Variants in ZRANB3 observed in about 807,000 individuals in gnomAD.
The protein encoded by ZRANB3 is DNA annealing helicase and endonuclease ZRANB3.
A neutral mutation model predicts 133.8 loss-of-function variants in ZRANB3; 125 were observed. That is an observed-to-expected ratio of 0.93 (90% CI 0.81 to 1.08). The LOEUF is 1.08. Ranked by LOEUF, ZRANB3 falls within the 50% of genes least tolerant of loss-of-function variation. ZRANB3 has a pLI of 0.00. For missense variants in ZRANB3, 1,229 were observed against 1,275.5 expected, an observed-to-expected ratio of 0.96 and a Z score of 0.56; for synonymous variants, 387 against 432.7, an observed-to-expected ratio of 0.89 and a Z score of 1.31.
chr2:135,412,620 ATAAT>A (rs1366508333), intron 2 of ZRANB3, among the ~76,000 whole-genome samples: 7 of 152,278 alleles, frequency 4.6e-5, no homozygotes, highest in South Asian at 4.1e-4. Context: ...ATAAGAATAA[ATAAT>A]TGTGTAAAAG....
At chr2:135,299,770 T>C (rs1682341809) in intron 8 of ZRANB3, among the ~76,000 whole-genome samples, 1 of 152,188 alleles carries the variant, frequency 6.6e-6, no homozygotes, top group South Asian at 2.1e-4. Flanking sequence ...ATATAGCACA[T>C]AAATAATATA....
intron 12 of ZRANB3, among the ~76,000 whole-genome samples, chr2:135,236,492 G>A (rs949145057): frequency 6.6e-6 from 1 of 152,062 alleles, no homozygotes; most frequent in Non-Finnish European, 1.5e-5. Context: ...TCAATCCTAA[G>A]CCAAAAGAAC....
At chr2:135,370,669 T>C (rs368874916) in intron 3 of ZRANB3, among the ~76,000 whole-genome samples, 6 of 152,194 alleles carry the variant, frequency 3.9e-5, no homozygotes, top group African/African-American at 1.4e-4. Context: ...TAACCATCCC[T>C]AGCTACTCTA....
At chr2:135,230,490 A>C in intron 13 of ZRANB3, 23 bp downstream of exon 13, 3 of 1,473,956 alleles carry the variant, frequency 2.0e-6, no homozygotes, top group Non-Finnish European at 2.7e-6. Context: ...CCTTACCTCC[A>C]TGGTCACCTT....
intron 2 of ZRANB3, among the ~76,000 whole-genome samples, chr2:135,431,333 T>C (rs1689314112): frequency 6.6e-6 from 1 of 150,536 alleles, no homozygotes; most frequent in Non-Finnish European, 1.5e-5. Flanking sequence ...AAGTAGATGA[T>C]ATATATTGAT....
intron 2 of ZRANB3, among the ~76,000 whole-genome samples, chr2:135,446,411 A>T (rs1690025921): frequency 6.6e-6 from 1 of 152,096 alleles, no homozygotes; most frequent in Non-Finnish European, 1.5e-5. Flanking sequence ...AAGATGCAGG[A>T]GGAGGTGTTA....
At chr2:135,522,693 A>T (rs548102360) in intron 1 of ZRANB3, among the ~76,000 whole-genome samples, 1 of 152,300 alleles carries the variant, frequency 6.6e-6, no homozygotes, top group South Asian at 2.1e-4. Flanking sequence ...AGCCTGGGTG[A>T]CAGAGTGAGA....
intron 1 of ZRANB3, among the ~76,000 whole-genome samples, chr2:135,529,338 T>TACATA (rs1350666685): frequency 6.6e-6 from 1 of 152,220 alleles, no homozygotes; most frequent in Non-Finnish European, 1.5e-5. Context: ...TCCAAAAGTA[T>TACATA]ACATACAGTC....
chr2:135,362,191 C>A (rs889485362), intron 3 of ZRANB3, among the ~76,000 whole-genome samples: 2 of 148,522 alleles, frequency 1.3e-5, no homozygotes, highest in African/African-American at 5.1e-5. Context: ...GAGCAAGACT[C>A]CGTCTCAAAA....
chr2:135,405,227 C>T (rs549719624), intron 2 of ZRANB3, among the ~76,000 whole-genome samples: 13 of 152,072 alleles, frequency 8.5e-5, no homozygotes, highest in East Asian at 7.7e-4. Context: ...CAAAGAAGGC[C>T]GTTACATAAT....
Position 135,314,994 on chromosome 2 carries a change from C to T in ZRANB3, c.849+365G>A, listed in dbSNP as rs141237510. On this transcript the variant is annotated intron_variant, in intron 7 of 20. Coordinates refer to ENST00000264159, the MANE Select transcript of ZRANB3 (RefSeq NM_032143.4). The stretch of plus-strand genomic sequence containing the variant: ...AAACTCCTGACCTCAGGTGATCTGC[C>T]GACCTCAGGTGATCTGCCCACCTCA... Among the ~76,000 whole-genome samples the T allele has an allele frequency of 3.0e-3, 458 of 151,980 alleles. 3 individuals carry two copies. Among genetic ancestry groups the T allele is most frequent in the African/African-American group, 0.01 (422 of 41,458 alleles).
intron 8 of ZRANB3, among the ~76,000 whole-genome samples, chr2:135,291,959 T>A (rs1318929588): frequency 6.6e-6 from 1 of 152,232 alleles, no homozygotes; most frequent in Non-Finnish European, 1.5e-5. Context: ...TATTCCATGG[T>A]GTATATGTGC....
At chr2:135,209,036 G>C in intron 17 of ZRANB3, 58 bp from the exon 18 acceptor site, 1 of 1,489,576 alleles carries the variant, frequency 6.7e-7, no homozygotes, top group Non-Finnish European at 9.3e-7. Context: ...TGTCTCTATT[G>C]CATGTTTACA....
chr2:135,462,053 C>G (rs1195780927), intron 2 of ZRANB3, among the ~76,000 whole-genome samples: 1 of 152,002 alleles, frequency 6.6e-6, no homozygotes, highest in East Asian at 1.9e-4. Flanking sequence ...GATGGGAATT[C>G]AAAATAGAAG....
At chr2:135,217,357 T>C in intron 17 of ZRANB3, 108 bp downstream of exon 17, 1 of 1,078,942 alleles carries the variant, frequency 9.3e-7, no homozygotes, top group Non-Finnish European at 1.3e-6. Context: ...AATTTTCTCA[T>C]AACTCATCAG....
Position 135,347,454 on chromosome 2 carries a change from G to A in ZRANB3, c.592-1819C>T, listed in dbSNP as rs529772026. ...ACTACAGGCGCCCACCACCGCGCCC[G>A]GCTAATTTTTTTGTATTTTTTCGTA... is the stretch of plus-strand genomic sequence containing the variant. On this transcript the variant is annotated intron_variant, in intron 5 of 20. Coordinates refer to ENST00000264159, the MANE Select transcript of ZRANB3 (RefSeq NM_032143.4). 2.4e-4 allele frequency among the ~76,000 whole-genome samples: 37 copies of A among 152,142 alleles called. 1 individual carries two copies. The highest frequency in any genetic ancestry group is 7.9e-4 in the Admixed American group (12 of 15,270).
intron 1 of ZRANB3, among the ~76,000 whole-genome samples, chr2:135,529,267 C>T (rs1263177209): frequency 6.6e-6 from 1 of 152,084 alleles, no homozygotes; most frequent in Admixed American, 6.5e-5. Context: ...GGGAAAAACC[C>T]TTTTCTGTAA....
intron 2 of ZRANB3, among the ~76,000 whole-genome samples, chr2:135,481,423 G>A (rs1691800172): frequency 6.6e-6 from 1 of 152,138 alleles, no homozygotes; most frequent in South Asian, 2.1e-4. Flanking sequence ...CTTTTGAGAA[G>A]TGTCTGTTCA....
intron 10 of ZRANB3, among the ~76,000 whole-genome samples, chr2:135,270,602 G>C (rs965701302): frequency 1.3e-5 from 2 of 152,104 alleles, no homozygotes; most frequent in Admixed American, 6.6e-5. Context: ...TCTGTGGCTG[G>C]AACAGTCTAA....
Sources: allele counts gnomAD v4.1 joint callset (sites outside exome capture counted in the v4.1 genomes callset), GRCh38; gene constraint gnomAD v4.1.1; transcripts MANE v1.5; gene names NCBI Gene and HGNC (gene_info 2026-07-23, HGNC 2026-07-21).